Variants in DDAH1 observed in about 807,000 individuals in gnomAD.
DDAH1 encodes the protein N(G),N(G)-dimethylarginine dimethylaminohydrolase 1.
In DDAH1, 19 loss-of-function variants were observed where a neutral mutation model predicts 28.8. That is an observed-to-expected ratio of 0.66 (90% CI 0.46 to 0.97). The LOEUF is 0.97. Among genes scored for constraint, DDAH1 ranks in the 50% least tolerant of loss-of-function variants. DDAH1 has a pLI of 0.00. For synonymous variants in DDAH1, 153 were observed against 154.4 expected, an observed-to-expected ratio of 0.99 and a Z score of 0.07; for missense variants, 326 against 375.9, an observed-to-expected ratio of 0.87 and a Z score of 1.10.
chr1:85,497,629 T>G (rs1204548646), intron 1 of DDAH1, among the ~76,000 whole-genome samples: 1 of 152,254 alleles, frequency 6.6e-6, no homozygotes, highest in African/African-American at 2.4e-5. Context: ...ATATTTTAAC[T>G]GAGATACACA....
intron 4 of DDAH1, among the ~76,000 whole-genome samples, chr1:85,345,355 T>C (rs899842550): frequency 2.0e-5 from 3 of 149,726 alleles, no homozygotes; most frequent in Non-Finnish European, 4.4e-5. Flanking sequence ...TTTTTACAGG[T>C]AGAGGGGTAT....
chr1:85,465,322 G>GT (rs201892184), upstream of DDAH1: 11,030 of 633,414 alleles, frequency 0.017, 128 homozygotes, highest in Non-Finnish European at 0.02. Flanking sequence ...CGGGCGAGGA[G>GT]TGGGGCCAGG....
intron 1 of DDAH1, among the ~76,000 whole-genome samples, chr1:85,542,107 T>A (rs902108367): frequency 3.3e-5 from 5 of 152,196 alleles, no homozygotes; most frequent in Admixed American, 2.6e-4. Context: ...TATTGAAAAA[T>A]CCTTTCACCT....
chr1:85,409,951 A>C (rs1466070274), intron 1 of DDAH1, among the ~76,000 whole-genome samples: 2 of 152,198 alleles, frequency 1.3e-5, no homozygotes, highest in Admixed American at 6.5e-5. Flanking sequence ...TGTAATCATA[A>C]CAATTCTCCT....
chr1:85,525,787 G>A (rs1123405), intron 1 of DDAH1, among the ~76,000 whole-genome samples: 2 of 152,062 alleles, frequency 1.3e-5, no homozygotes, highest in Non-Finnish European at 2.9e-5. Context: ...ATGAGCTTCC[G>A]GGTGAGCTCA....
intron 4 of DDAH1, among the ~76,000 whole-genome samples, chr1:85,342,193 C>T (rs1648533576): frequency 6.6e-6 from 1 of 152,162 alleles, no homozygotes; most frequent in Non-Finnish European, 1.5e-5. Flanking sequence ...ATTCTAAGTT[C>T]TCTGCTTTGT....
intron 1 of DDAH1, among the ~76,000 whole-genome samples, chr1:85,523,133 G>A (rs1657748802): frequency 1.3e-5 from 2 of 151,926 alleles, no homozygotes; most frequent in South Asian, 2.1e-4. Flanking sequence ...CTTCTTGAAT[G>A]GCCTGTAGGG....
At chr1:85,543,190 T>G (rs534790528) in intron 1 of DDAH1, among the ~76,000 whole-genome samples, 1 of 152,308 alleles carries the variant, frequency 6.6e-6, no homozygotes, top group Admixed American at 6.5e-5. Context: ...ACCCTTCCAT[T>G]GGTTTCTATT....
chr1:85,363,056 C>CTGTTA (rs757971421), intron 1 of DDAH1, among the ~76,000 whole-genome samples: 8 of 152,158 alleles, frequency 5.3e-5, no homozygotes, highest in Non-Finnish European at 1.2e-4. Context: ...TGTTATAGCA[C>CTGTTA]TGTTAGTTTA....
intron 1 of DDAH1, among the ~76,000 whole-genome samples, chr1:85,564,416 G>T (rs1012413540): frequency 1.3e-5 from 2 of 152,148 alleles, no homozygotes; most frequent in African/African-American, 4.8e-5. Flanking sequence ...TCTTTGAAGT[G>T]CAGAGAGGGG....
At chr1:85,334,009 A>C (rs768832301) in intron 4 of DDAH1, among the ~76,000 whole-genome samples, 1 of 152,194 alleles carries the variant, frequency 6.6e-6, no homozygotes, top group Non-Finnish European at 1.5e-5. Flanking sequence ...TATAGTCTTT[A>C]TGTCCCCACC....
chr1:85,453,410 TC>T (rs1654752874), intron 1 of DDAH1, among the ~76,000 whole-genome samples: 1 of 152,216 alleles, frequency 6.6e-6, no homozygotes, highest in South Asian at 2.1e-4. Context: ...CAAGCCCTTT[TC>T]CTACAAACAC....
At chr1:85,418,942 T>C (rs1458946566) in intron 1 of DDAH1, among the ~76,000 whole-genome samples, 1 of 152,138 alleles carries the variant, frequency 6.6e-6, no homozygotes, top group African/African-American at 2.4e-5. Flanking sequence ...CATATCGTAG[T>C]TGGGTTGATG....
chr1:85,485,413 TGGA>T (rs2100721790), intron 2 of DDAH1, among the ~76,000 whole-genome samples: 1 of 152,266 alleles, frequency 6.6e-6, no homozygotes, highest in Admixed American at 6.5e-5. Flanking sequence ...CAGTGTTTCC[TGGA>T]GGAGGACAAA....
chr1:85,448,734 C>A (rs970918591), intron 1 of DDAH1, among the ~76,000 whole-genome samples: 12 of 152,088 alleles, frequency 7.9e-5, no homozygotes, highest in Non-Finnish European at 1.2e-4. Context: ...TATAAAAAAA[C>A]CCCACGAAAC....
intron 1 of DDAH1, chr1:85,576,889 G>C (rs983023736): frequency 6.5e-6 from 1 of 152,734 alleles, no homozygotes; most frequent in Non-Finnish European, 1.5e-5. Flanking sequence ...GCCTGGGCGC[G>C]GGCCGCCGCG....
At position 85,553,402 on chromosome 1, in the gene DDAH1, C is replaced by T. The variant is rs530586085; in HGVS notation, c.-123+24582G>A. ...TTTATTCCTAAAGCTAACCAGTCTTCTGAAAGAGTCAAAATCACTGTTCAA... is the reference window on the plus strand; with the variant it reads ...TTTATTCCTAAAGCTAACCAGTCTTTTGAAAGAGTCAAAATCACTGTTCAA... On this transcript the variant is annotated intron_variant, in intron 1 of 6. Coordinates refer to the DDAH1 transcript ENST00000426972. 8.5e-5 allele frequency among the ~76,000 whole-genome samples: 13 copies of T among 152,346 alleles called. No homozygotes were observed. The South Asian group carries it at 2.5e-3, about 29-fold the overall frequency.
chr1:85,472,313 C>T (rs950404827), intron 2 of DDAH1, among the ~76,000 whole-genome samples: 2 of 152,286 alleles, frequency 1.3e-5, no homozygotes, highest in Non-Finnish European at 2.9e-5. Flanking sequence ...TTAGATCATA[C>T]CTTTTTGGTG....
At chr1:85,532,043 G>A (rs1658110684) in intron 1 of DDAH1, among the ~76,000 whole-genome samples, 1 of 151,442 alleles carries the variant, frequency 6.6e-6, no homozygotes, top group African/African-American at 2.4e-5. Flanking sequence ...AACAATTTTG[G>A]AGAATGCAAT....
Sources: allele counts gnomAD v4.1 joint callset (sites outside exome capture counted in the v4.1 genomes callset), GRCh38; gene constraint gnomAD v4.1.1; transcripts MANE v1.5; gene names NCBI Gene and HGNC (gene_info 2026-07-23, HGNC 2026-07-21).